Variants in ELMOD2 observed in about 807,000 individuals in gnomAD.
ELMOD2 encodes the protein ELMO domain containing 2.
ELMOD2 carries 28 observed loss-of-function variants against 41.0 expected under a neutral mutation model. The ratio of observed to expected loss-of-function variants is 0.68; its 90% confidence interval spans 0.51 to 0.94. The LOEUF (loss-of-function observed/expected upper bound fraction) is 0.94, where lower values mean the gene tolerates loss of function less well. ELMOD2 is among the 40% of genes least tolerant of loss of function. The probability of loss-of-function intolerance (pLI) is 0.00; values close to 1 mark genes in which losing one functional copy is unlikely to be tolerated. For synonymous variants in ELMOD2, 106 were observed against 107.2 expected (o/e 0.99, Z 0.07); for missense variants, 333 against 343.1 (o/e 0.97, Z 0.23).
At chr4:140,548,134 A>G (rs1208083894) in intron 8 of ELMOD2, among the ~76,000 whole-genome samples, 1 of 152,174 alleles carries the variant, frequency 6.6e-6, no homozygotes, top group African/African-American at 2.4e-5. Flanking sequence ...TTCCAGGCCC[A>G]TGTAGTCATT....
intron 3 of ELMOD2, among the ~76,000 whole-genome samples, chr4:140,534,425 T>C (rs1560826547): frequency 6.6e-6 from 1 of 152,144 alleles, no homozygotes; most frequent in Non-Finnish European, 1.5e-5. Context: ...TAAACGAACT[T>C]TCTGGGATGA....
At chr4:140,539,759 A>G (rs1735048815) in intron 5 of ELMOD2, among the ~76,000 whole-genome samples, 1 of 152,146 alleles carries the variant, frequency 6.6e-6, no homozygotes, top group African/African-American at 2.4e-5. Flanking sequence ...TCATTTCTTC[A>G]TGCTCTTCTG....
chr4:140,537,326 C>T (rs796566842), intron 4 of ELMOD2, 86 bp from the exon 5 acceptor site: 4 of 1,216,242 alleles, frequency 3.3e-6, no homozygotes, highest in African/African-American at 3.2e-5. Context: ...GAAATGCTTT[C>T]TAAATAGACA....
At chr4:140,537,259 A>G (rs1193942491) in intron 4 of ELMOD2, among the ~76,000 whole-genome samples, 153 bp from the exon 5 acceptor site, 3 of 152,088 alleles carry the variant, frequency 2.0e-5, no homozygotes, top group African/African-American at 7.2e-5. Flanking sequence ...AGTACTTTAC[A>G]TAATGTTTTG....
intron 6 of ELMOD2, 118 bp downstream of exon 6, chr4:140,540,419 T>C: frequency 2.3e-6 from 3 of 1,319,078 alleles, no homozygotes; most frequent in Admixed American, 2.3e-5. Context: ...TTTTAATAAC[T>C]GCAGTGCTGG....
rs1297849358 is a variant in ELMOD2, at chr4:140,550,299, T to G, written c.806T>G (p.Leu269Trp). 6.2e-7 allele frequency: 1 copy of G among 1,611,768 alleles called. No individual in the cohort carries two copies. Among genetic ancestry groups the G allele is most frequent in the East Asian group, 2.2e-5 (1 of 44,688 alleles). ...EEPESIMYFN[L>W]YREKFHEKIK... Reference sequence around the variant, plus strand: ...CCAGAAAGCATTATGTATTTCAATTTGTATAGAGAGAAGTTTCATGAAAAG... The same window carrying G: ...CCAGAAAGCATTATGTATTTCAATTGGTATAGAGAGAAGTTTCATGAAAAG... Residue 269 changes from leucine (L) to tryptophan (W), a missense_variant, in exon 9 of 9, where the codon TTG becomes TGG. Physicochemically the swap from Leu to Trp is moderately conservative, Grantham distance 61. Transcript: ENST00000323570.
At chr4:140,535,882 G>T (rs779943329) in intron 4 of ELMOD2, 52 bp downstream of exon 4, 1 of 1,483,824 alleles carries the variant, frequency 6.7e-7, no homozygotes, top group Admixed American at 2.0e-5. Flanking sequence ...AGCCTGTGAG[G>T]TATCAATATC....
intron 8 of ELMOD2, among the ~76,000 whole-genome samples, chr4:140,546,358 G>GGT: frequency 6.6e-6 from 1 of 151,782 alleles, no homozygotes; most frequent in East Asian, 1.9e-4. Flanking sequence ...AGTGGGGAGG[G>GGT]TTAGCATTAG....
intron 4 of ELMOD2, 120 bp from the exon 5 acceptor site, chr4:140,537,292 G>A: frequency 1.2e-6 from 1 of 856,652 alleles, no homozygotes; most frequent in Non-Finnish European, 1.6e-6. Context: ...CCTTTGGTGG[G>A]TCTTATATTA....
intron 3 of ELMOD2, among the ~76,000 whole-genome samples, chr4:140,530,184 T>C (rs1454841928): frequency 6.6e-6 from 1 of 152,232 alleles, no homozygotes; most frequent in Non-Finnish European, 1.5e-5. Flanking sequence ...GTAATTGTTA[T>C]AACTGCATTT....
In ELMOD2 at chr4:140,552,464, A is replaced by G. The variant is rs1419515991; in HGVS notation, c.*2089A>G. ...ACAGCAAATTGATCTAAAAGCCACT[A>G]ATAAATTCTAGGGTTTGAGTCTAGA... On this transcript the variant is annotated 3_prime_UTR_variant, in exon 9 of 9. Coordinates refer to ENST00000323570, the MANE Select transcript of ELMOD2 (RefSeq NM_153702.4). The G allele has an allele frequency of 3.3e-5, 5 of 152,100 alleles. No individual in the cohort carries two copies. Among genetic ancestry groups the G allele is most frequent in the Non-Finnish European group, 7.4e-5 (5 of 67,938 alleles). The allele number at this position is 152,100 out of a possible 1,614,324, so 9.4% of individuals were successfully genotyped here.
rs1052479152 is a variant in ELMOD2 at position 140,553,486 on chromosome 4, G to A, written c.*3111G>A. 1.3e-5 allele frequency: 2 copies of A among 152,122 alleles called. 1 individual carries two copies. Among genetic ancestry groups the A allele is most frequent in the African/African-American group, 4.8e-5 (2 of 41,428 alleles). The allele number at this position is 152,122 out of a possible 1,614,324, so 9.4% of individuals were successfully genotyped here. A position where few individuals can be genotyped will look rare whatever the true frequency, so the allele number is the denominator to read the frequency against. The stretch of plus-strand genomic sequence containing the variant: ...AAATCTGAGAGGAATGATGACTGGA[G>A]GTGTTTGGGGTTTTTTTCTGTATTC... On this transcript the variant is annotated 3_prime_UTR_variant, in exon 9 of 9. Coordinates refer to ENST00000323570, the MANE Select transcript of ELMOD2 (RefSeq NM_153702.4).
At chr4:140,535,133 TTCTTTCTCTCTCTCTCTCTC>T (rs1229394007) in intron 3 of ELMOD2, among the ~76,000 whole-genome samples, 1 of 74,336 alleles carries the variant, frequency 1.3e-5, no homozygotes, top group African/African-American at 3.9e-5. Flanking sequence ...GGAAATCTGT[TTCTTTCTCTCTCTCTCTCTC>T]TCTCTCTCTC....
At chr4:140,531,318 A>G (rs1233610485) in intron 3 of ELMOD2, among the ~76,000 whole-genome samples, 1 of 152,200 alleles carries the variant, frequency 6.6e-6, no homozygotes, top group South Asian at 2.1e-4. Flanking sequence ...ATTTTAGATT[A>G]AGGACTATTT....
At chr4:140,543,854 A>G (rs892744736) in intron 8 of ELMOD2, among the ~76,000 whole-genome samples, 4 of 152,140 alleles carry the variant, frequency 2.6e-5, no homozygotes, top group Non-Finnish European at 5.9e-5. Flanking sequence ...TTCTCTAGGC[A>G]TTCATTTTCC....
chr4:140,538,553 A>T (rs1735003507), intron 5 of ELMOD2, among the ~76,000 whole-genome samples: 1 of 152,210 alleles, frequency 6.6e-6, no homozygotes, highest in Admixed American at 6.5e-5. Context: ...GCACTTACTG[A>T]GGATTAACTG....
chr4:140,544,368 G>A (rs1471934092), intron 8 of ELMOD2, among the ~76,000 whole-genome samples: 1 of 151,898 alleles, frequency 6.6e-6, no homozygotes, highest in African/African-American at 2.4e-5. Context: ...TTCCAGTTTT[G>A]TCTGCATCTT....
intron 3 of ELMOD2, among the ~76,000 whole-genome samples, chr4:140,535,119 C>T (rs992185288): frequency 7.0e-6 from 1 of 143,442 alleles, no homozygotes; most frequent in Non-Finnish European, 1.5e-5. Flanking sequence ...TTACTTTTCT[C>T]TGGGGAAATC....
intron 8 of ELMOD2, among the ~76,000 whole-genome samples, chr4:140,547,307 A>C (rs1389637113): frequency 6.6e-6 from 1 of 152,084 alleles, no homozygotes; most frequent in Non-Finnish European, 1.5e-5. Flanking sequence ...CGTCCTGTGT[A>C]GGAAGGGCTG....
Sources: allele counts gnomAD v4.1 joint callset (sites outside exome capture counted in the v4.1 genomes callset), GRCh38; gene constraint gnomAD v4.1.1; transcripts MANE v1.5; gene names NCBI Gene and HGNC (gene_info 2026-07-23, HGNC 2026-07-21).